Variants in CCSER1 observed in about 807,000 individuals in gnomAD.
The protein encoded by CCSER1 is serine-rich coiled-coil domain-containing protein 1.
Under a neutral mutation model 82.0 loss-of-function variants are expected in CCSER1, and 41 were observed. That is an observed-to-expected ratio of 0.50 (90% CI 0.39 to 0.65). The LOEUF is 0.65. Ranked by LOEUF, CCSER1 falls within the 30% of genes least tolerant of loss-of-function variation. The probability of loss-of-function intolerance (pLI) is 0.00; values close to 1 mark genes in which losing one functional copy is unlikely to be tolerated. For synonymous variants in CCSER1, 414 were observed against 383.9 expected, an observed-to-expected ratio of 1.08 and a Z score of -0.92; for missense variants, 1,119 against 1,064.2, an observed-to-expected ratio of 1.05 and a Z score of -0.72.
intron 6 of CCSER1, among the ~76,000 whole-genome samples, chr4:90,684,286 ACTT>A (rs955492954): frequency 6.1e-4 from 93 of 152,266 alleles, no homozygotes; most frequent in African/African-American, 2.1e-3. Context: ...GTTTTATTTA[ACTT>A]CTTTGAGATG....
chr4:90,795,559 C>T (rs1580506744), intron 7 of CCSER1, among the ~76,000 whole-genome samples: 1 of 152,158 alleles, frequency 6.6e-6, no homozygotes, highest in African/African-American at 2.4e-5. Context: ...GAGAAGGCAT[C>T]CTTGTCTTTT....
rs969722613 is a variant in CCSER1 at position 90,308,309 on chromosome 4, T to C, written c.25T>C (p.Ser9Pro). The change falls in exon 2 of 11, where the codon TCT (serine) becomes CCT (proline). Residue 9 changes from serine to proline, a missense_variant. Ser to Pro is a moderately conservative substitution (Grantham distance 74). Transcript: ENST00000509176. ...AATGGGGGACTCAGGATCAAGACGA[T>C]CTACCCTGGTCTCCCGGTTGCCAAT... MGDSGSRR[S>P]TLVSRLPIFR... 1.4e-5 allele frequency: 23 copies of C among 1,593,174 alleles called. No individual in the cohort carries two copies. Among genetic ancestry groups the C allele is most frequent in the African/African-American group, 2.7e-5 (2 of 74,668 alleles).
intron 8 of CCSER1, among the ~76,000 whole-genome samples, chr4:90,889,742 A>G (rs1159263225): frequency 1.3e-5 from 2 of 152,204 alleles, no homozygotes; most frequent in Non-Finnish European, 2.9e-5. Context: ...ATCCTTGATG[A>G]CATTATGCTA....
intron 1 of CCSER1, among the ~76,000 whole-genome samples, chr4:90,306,940 G>T (rs1433385499): frequency 1.3e-5 from 2 of 152,298 alleles, no homozygotes; most frequent in Non-Finnish European, 2.9e-5. Context: ...AATCCTTGAT[G>T]TAGAAACATA....
At chr4:90,457,229 C>T (rs1041636678) in intron 4 of CCSER1, among the ~76,000 whole-genome samples, 2 of 152,144 alleles carry the variant, frequency 1.3e-5, no homozygotes, top group East Asian at 3.9e-4. Context: ...CTTGGAGATC[C>T]CAGGAACTGC....
chr4:91,583,705 ATAT>A (rs1446504368), intron 10 of CCSER1, among the ~76,000 whole-genome samples: 2 of 151,528 alleles, frequency 1.3e-5, no homozygotes, highest in African/African-American at 4.8e-5. Flanking sequence ...AGTAGTACAA[ATAT>A]TATGCATGTT....
intron 7 of CCSER1, among the ~76,000 whole-genome samples, chr4:90,778,725 T>C (rs999564341): frequency 1.3e-5 from 2 of 152,002 alleles, no homozygotes; most frequent in East Asian, 1.9e-4. Context: ...GCACCCTGCA[T>C]CCCTCAAGAT....
chr4:91,179,561 T>A (rs147493986), intron 10 of CCSER1, among the ~76,000 whole-genome samples: 2,040 of 152,324 alleles, frequency 0.013, 29 homozygotes, highest in African/African-American at 0.037. Flanking sequence ...TTGGTCTTCG[T>A]TCATTGATAC....
At chr4:91,114,590 T>C (rs1201371056) in intron 10 of CCSER1, among the ~76,000 whole-genome samples, 1 of 152,226 alleles carries the variant, frequency 6.6e-6, no homozygotes, top group Non-Finnish European at 1.5e-5. Flanking sequence ...TGCTTAGGCC[T>C]GAATGCGTGC....
chr4:90,982,652 A>G (rs1426219638), intron 9 of CCSER1, among the ~76,000 whole-genome samples: 1 of 151,798 alleles, frequency 6.6e-6, no homozygotes, highest in African/African-American at 2.4e-5. Context: ...ATTCCTGCAA[A>G]ATGTCATAAA....
At chr4:91,300,345 C>T (rs1744570416) in intron 10 of CCSER1, among the ~76,000 whole-genome samples, 1 of 151,784 alleles carries the variant, frequency 6.6e-6, no homozygotes, top group African/African-American at 2.4e-5. Flanking sequence ...AATTACAACT[C>T]TGAATAAGAC....
rs375711058 is a variant in CCSER1 at position 91,031,904 on chromosome 4, A to G, written c.2173-54046A>G. Among the ~76,000 whole-genome samples the G allele has an allele frequency of 1.1e-4, 17 of 152,242 alleles. No homozygotes were observed. In the South Asian group the frequency reaches 3.5e-3, roughly 32 times the overall value. On this transcript the variant is annotated intron_variant, in intron 9 of 10. Coordinates refer to ENST00000509176, the MANE Select transcript of CCSER1 (RefSeq NM_001145065.2). ...TTCACCACAAATTCATTCATGTGTC[A>G]TATAGACATTTTTTCCTAATATTTC...
chr4:91,278,993 G>T (rs943733989), intron 10 of CCSER1, among the ~76,000 whole-genome samples: 1 of 151,994 alleles, frequency 6.6e-6, no homozygotes, highest in Non-Finnish European at 1.5e-5. Flanking sequence ...ACCTGGGAAA[G>T]ACTATCTCTT....
At chr4:91,348,581 T>C (rs1173184166) in intron 10 of CCSER1, among the ~76,000 whole-genome samples, 1 of 152,206 alleles carries the variant, frequency 6.6e-6, no homozygotes, top group African/African-American at 2.4e-5. Context: ...GTAGAATTCA[T>C]CTGAGCTTGG....
At chr4:90,250,232 GAA>G (rs1722151475) in intron 1 of CCSER1, among the ~76,000 whole-genome samples, 1 of 152,102 alleles carries the variant, frequency 6.6e-6, no homozygotes, top group South Asian at 2.1e-4. Flanking sequence ...TAATTTTGAT[GAA>G]GTCTAATTTA....
chr4:90,644,034 A>G (rs1442382498), intron 6 of CCSER1, among the ~76,000 whole-genome samples: 2 of 152,012 alleles, frequency 1.3e-5, no homozygotes, highest in Non-Finnish European at 2.9e-5. Flanking sequence ...TTAGTATCCT[A>G]TTTCTTTCAT....
chr4:90,582,439 G>T (rs1190760639), intron 5 of CCSER1, among the ~76,000 whole-genome samples: 1 of 152,132 alleles, frequency 6.6e-6, no homozygotes, highest in African/African-American at 2.4e-5. Context: ...TAACACTTTA[G>T]TGTTAAAACA....
chr4:90,353,408 A>C (rs1428043895), intron 3 of CCSER1, among the ~76,000 whole-genome samples: 1 of 152,122 alleles, frequency 6.6e-6, no homozygotes, highest in African/African-American at 2.4e-5. Flanking sequence ...ATAGTCACTC[A>C]AGAAGTTTTC....
At chr4:90,955,873 A>G (rs572910091) in intron 9 of CCSER1, among the ~76,000 whole-genome samples, 3 of 152,156 alleles carry the variant, frequency 2.0e-5, no homozygotes, top group African/African-American at 7.2e-5. Flanking sequence ...TCGAAAGACT[A>G]TTCCTTACCA....
Sources: allele counts gnomAD v4.1 joint callset (sites outside exome capture counted in the v4.1 genomes callset), GRCh38; gene constraint gnomAD v4.1.1; transcripts MANE v1.5; gene names NCBI Gene and HGNC (gene_info 2026-07-23, HGNC 2026-07-21).